The following SHISA6 variants were observed in gnomAD, a reference collection of about 807,000 sequenced individuals.
The protein encoded by SHISA6 is protein shisa-6.
Under a neutral mutation model 47.9 loss-of-function variants are expected in SHISA6, and 22 were observed. The observed-to-expected ratio is 0.46, with a 90% confidence interval of 0.33 to 0.66. The LOEUF is 0.66. SHISA6 is among the 30% of genes least tolerant of loss of function. The pLI, the probability that SHISA6 is intolerant of heterozygous loss-of-function variation, is 0.02. For missense variants in SHISA6, 680 were observed against 764.6 expected (o/e 0.89, Z 1.30); for synonymous variants, 388 against 337.8 (o/e 1.15, Z -1.63).
chr17:11,434,927 G>C (rs1048946500), intron 3 of SHISA6, among the ~76,000 whole-genome samples: 1 of 152,192 alleles, frequency 6.6e-6, no homozygotes, highest in African/African-American at 2.4e-5. Context: ...GTTGGAAGAA[G>C]CACTGGTATG....
chr17:11,248,983 C>G (rs1301566942), intron 1 of SHISA6, among the ~76,000 whole-genome samples: 1 of 151,930 alleles, frequency 6.6e-6, no homozygotes, highest in Non-Finnish European at 1.5e-5. Flanking sequence ...ACTAAAAATA[C>G]AAAAAATTAG....
At chr17:11,282,710 C>A (rs563942312) in intron 2 of SHISA6, among the ~76,000 whole-genome samples, 1 of 152,288 alleles carries the variant, frequency 6.6e-6, no homozygotes, top group South Asian at 2.1e-4. Flanking sequence ...CATCCAGATA[C>A]ATGGTATTCC....
At chr17:11,303,174 G>A (rs2142179174) in intron 2 of SHISA6, among the ~76,000 whole-genome samples, 1 of 152,022 alleles carries the variant, frequency 6.6e-6, no homozygotes, top group Admixed American at 6.6e-5. Context: ...TACCAGTGTA[G>A]TTATGTTTGA....
intron 2 of SHISA6, 129 bp from the exon 3 acceptor site, chr17:11,379,285 C>T (rs948462318): frequency 5.6e-5 from 26 of 468,210 alleles, no homozygotes; most frequent in African/African-American, 5.0e-4. Context: ...TCTTGGCTGC[C>T]TCCACCTTCT....
chr17:11,260,580 C>G (rs1908196621), intron 1 of SHISA6, among the ~76,000 whole-genome samples: 1 of 152,020 alleles, frequency 6.6e-6, no homozygotes, highest in Non-Finnish European at 1.5e-5. Context: ...CTTTGGTTCT[C>G]TGTGGCTTAC....
chr17:11,356,981 G>A (rs1165969103), intron 2 of SHISA6, among the ~76,000 whole-genome samples: 2 of 151,898 alleles, frequency 1.3e-5, no homozygotes, highest in Admixed American at 1.3e-4. Context: ...GACCAGCCTG[G>A]CCAACATCGT....
At chr17:11,490,877 A>C (rs1916458268) in intron 3 of SHISA6, among the ~76,000 whole-genome samples, 1 of 152,258 alleles carries the variant, frequency 6.6e-6, no homozygotes, top group African/African-American at 2.4e-5. Context: ...CTCAATGAAG[A>C]GAAAGGGTCT....
At chr17:11,454,637 C>T (rs1482001807) in intron 3 of SHISA6, among the ~76,000 whole-genome samples, 6 of 152,210 alleles carry the variant, frequency 3.9e-5, no homozygotes, top group African/African-American at 1.2e-4. Context: ...CTGTGAAATG[C>T]TTTTCTCTGT....
At chr17:11,253,178 T>C (rs1228469881) in intron 1 of SHISA6, among the ~76,000 whole-genome samples, 3 of 152,232 alleles carry the variant, frequency 2.0e-5, no homozygotes, top group African/African-American at 7.2e-5. Flanking sequence ...TCCTGTTCAG[T>C]TCTGTCGAGC....
At chr17:11,511,103 C>T (rs187636028) in intron 3 of SHISA6, among the ~76,000 whole-genome samples, 18 of 152,108 alleles carry the variant, frequency 1.2e-4, no homozygotes, top group Non-Finnish European at 2.5e-4. Flanking sequence ...TGCTATGCAG[C>T]CATAAAAAAG....
intron 3 of SHISA6, among the ~76,000 whole-genome samples, chr17:11,399,842 C>A (rs906550533): frequency 5.9e-5 from 9 of 152,178 alleles, no homozygotes; most frequent in African/African-American, 9.7e-5. Context: ...ACTCTCCAGG[C>A]AGAAAACTAG....
chr17:11,421,382 T>C (rs1914447612), intron 3 of SHISA6, among the ~76,000 whole-genome samples: 1 of 152,236 alleles, frequency 6.6e-6, no homozygotes, highest in African/African-American at 2.4e-5. Context: ...GGGGGATTTC[T>C]TGGGCCCCAT....
intron 3 of SHISA6, among the ~76,000 whole-genome samples, chr17:11,474,593 G>A (rs1484905814): frequency 2.0e-5 from 3 of 151,904 alleles, no homozygotes; most frequent in Admixed American, 2.0e-4. Flanking sequence ...TTGCTTCTTT[G>A]CCAAAGATCA....
chr17:11,442,979 A>G (rs1231095609), intron 3 of SHISA6, among the ~76,000 whole-genome samples: 1 of 152,226 alleles, frequency 6.6e-6, no homozygotes, highest in Non-Finnish European at 1.5e-5. Context: ...CCATCCTGGT[A>G]GTTCTTAGCA....
rs191721854 is a variant in SHISA6 at position 11,396,266 on chromosome 17, G to A, written c.895+16757G>A. Among the ~76,000 whole-genome samples the A allele has an allele frequency of 1.3e-3, 196 of 152,074 alleles. 2 individuals carry two copies. The highest frequency in any genetic ancestry group is 4.4e-3 in the African/African-American group (184 of 41,466). On this transcript the variant is annotated intron_variant, in intron 3 of 5. Transcript: ENST00000441885. ...TGTTTTATTTTCTTAATATAGTATT[G>A]GATACTGTTTGCTAATATTTCATTT...
Position 11,558,408 on chromosome 17 carries a change from C to A in SHISA6, c.*104C>A. On this transcript the variant is annotated 3_prime_UTR_variant, in exon 6 of 6. Transcript: ENST00000441885. The stretch of plus-strand genomic sequence containing the variant: ...CCTTGCCACTCTCCCTTCCCTTGTC[C>A]CCTCTGTAGGAAGTGGGGGTGGGCC... 4 of 1,328,158 alleles carry A rather than the reference C, an allele frequency of 3.0e-6. No individual in the cohort carries two copies. The highest frequency in any genetic ancestry group is 3.0e-6 in the Non-Finnish European group (3 of 990,568). 82.3% of individuals were successfully genotyped at this position (1,328,158 alleles called of 1,614,324 possible).
chr17:11,491,774 T>TTTG (rs201206113), intron 3 of SHISA6, among the ~76,000 whole-genome samples: 1,118 of 77,404 alleles, frequency 0.014, 13 homozygotes, highest in Non-Finnish European at 0.026. Flanking sequence ...TGAAGTGTTT[T>TTTG]TTTTTTTTTT....
At chr17:11,534,907 A>G (rs1292251564) in intron 3 of SHISA6, among the ~76,000 whole-genome samples, 3 of 152,134 alleles carry the variant, frequency 2.0e-5, no homozygotes, top group Non-Finnish European at 4.4e-5. Context: ...AGGAGGGTGG[A>G]TCACGAGGTC....
intron 5 of SHISA6, among the ~76,000 whole-genome samples, chr17:11,557,175 T>C (rs1421628479): frequency 1.3e-5 from 2 of 152,208 alleles, no homozygotes; most frequent in African/African-American, 2.4e-5. Flanking sequence ...GTTACGATGT[T>C]CCTAAGTTAC....
Sources: allele counts gnomAD v4.1 joint callset (sites outside exome capture counted in the v4.1 genomes callset), GRCh38; gene constraint gnomAD v4.1.1; transcripts MANE v1.5; gene names NCBI Gene and HGNC (gene_info 2026-07-23, HGNC 2026-07-21).